SH3KBP1: variants seen among roughly 807,000 people sequenced by gnomAD.
SH3KBP1 encodes the protein SH3 domain-containing kinase-binding protein 1.
In SH3KBP1, 8 loss-of-function variants were observed where a neutral mutation model predicts 50.1. That is an observed-to-expected ratio of 0.16 (90% CI 0.09 to 0.29). The LOEUF is 0.29. Ranked by LOEUF, SH3KBP1 falls within the 10% of genes least tolerant of loss-of-function variation. The pLI, the probability that SH3KBP1 is intolerant of heterozygous loss-of-function variation, is 1.00. For missense variants in SH3KBP1, 377 were observed against 535.2 expected (o/e 0.70, Z 2.92); for synonymous variants, 227 against 218.6 (o/e 1.04, Z -0.34).
rs140573372 is a variant in SH3KBP1 at position 19,687,570 on chromosome X, C to T, written c.521-3542G>A. Reference sequence around the variant, plus strand: ...GCAGCTGCATCAAAAAACACAAGTACCCAGATCTTATCTTTACAATTGCCT... The same window carrying T: ...GCAGCTGCATCAAAAAACACAAGTATCCAGATCTTATCTTTACAATTGCCT... On this transcript the variant is annotated intron_variant, in intron 5 of 17. Coordinates refer to ENST00000397821, the MANE Select transcript of SH3KBP1 (RefSeq NM_031892.3). The T allele has an allele frequency of 7.3e-3, 7,678 of 1,048,827 alleles. 32 individuals are homozygous for T. The highest frequency in any genetic ancestry group is 0.018 in the Middle Eastern group (72 of 4,009). 86.4% of individuals were successfully genotyped at this position (1,048,827 alleles called of 1,213,427 possible). A position where few individuals can be genotyped will look rare whatever the true frequency, so the allele number is the denominator to read the frequency against.
intron 7 of SH3KBP1, among the ~76,000 whole-genome samples, chrX:19,643,795 G>A (rs1215836042): frequency 9.0e-6 from 1 of 111,489 alleles, no homozygotes; most frequent in African/African-American, 3.3e-5. Flanking sequence ...AGAACTGAAT[G>A]AGAGGATGAA....
At chrX:19,791,141 T>G (rs1037173954) in intron 2 of SH3KBP1, among the ~76,000 whole-genome samples, 4 of 111,642 alleles carry the variant, frequency 3.6e-5, no homozygotes, top group Admixed American at 9.5e-5. Context: ...ATAGATGAGA[T>G]TCTACCTTTG....
At chrX:19,577,450 T>C (rs2066234297) in intron 12 of SH3KBP1, among the ~76,000 whole-genome samples, 1 of 111,365 alleles carries the variant, frequency 9.0e-6, no homozygotes. Flanking sequence ...TCTCTCAGTT[T>C]AAAAGTACTA....
At chrX:19,851,658 T>G (rs2068512699) in intron 1 of SH3KBP1, among the ~76,000 whole-genome samples, 1 of 112,187 alleles carries the variant, frequency 8.9e-6, no homozygotes, top group African/African-American at 3.2e-5. Context: ...CACCTCAGCC[T>G]CCTGAGTAGC....
chrX:19,592,143 G>A lies in SH3KBP1; in HGVS notation c.1062C>T (p.Thr354=), dbSNP rs1455496945. 8.4e-6 allele frequency: 10 copies of A among 1,192,684 alleles called. No individual in the cohort carries two copies. Among genetic ancestry groups the A allele is most frequent in the Non-Finnish European group, 1.1e-5 (10 of 881,025 alleles). The change falls in exon 11 of 18, where the codon ACC becomes ACT. Residue 354 remains threonine (T), a synonymous_variant. Coordinates refer to ENST00000397821, the MANE Select transcript of SH3KBP1 (RefSeq NM_031892.3). ...SAPVIKQGAG[T]TERKHEIKKI... is the part of the protein sequence containing the mutation. Reference sequence around the variant, plus strand: ...TTTTAATTTCATGTTTTCTCTCAGTGGTGCCTAGGAGGGAAAGGGTAATAG... The same window carrying A: ...TTTTAATTTCATGTTTTCTCTCAGTAGTGCCTAGGAGGGAAAGGGTAATAG...
intron 7 of SH3KBP1, among the ~76,000 whole-genome samples, chrX:19,635,425 G>C (rs2061677669): frequency 9.2e-6 from 1 of 108,703 alleles, no homozygotes; most frequent in African/African-American, 3.4e-5. Context: ...GTTGGGGGGT[G>C]GGGGATGAGG....
intron 2 of SH3KBP1, among the ~76,000 whole-genome samples, chrX:19,798,233 T>C (rs1003959409): frequency 9.1e-6 from 1 of 109,892 alleles, no homozygotes; most frequent in African/African-American, 3.3e-5. Flanking sequence ...TACAGGCGTG[T>C]GTCACCATTC....
intron 2 of SH3KBP1, among the ~76,000 whole-genome samples, chrX:19,776,863 G>A (rs2065998855): frequency 9.1e-6 from 1 of 110,222 alleles, no homozygotes; most frequent in Non-Finnish European, 1.9e-5. Flanking sequence ...TGACAGCCTA[G>A]CTCTTTAAGC....
chrX:19,733,235 A>G (rs1240860145), intron 3 of SH3KBP1, among the ~76,000 whole-genome samples: 1 of 111,636 alleles, frequency 9.0e-6, no homozygotes, highest in East Asian at 2.8e-4. Context: ...TAACTTGATG[A>G]CATGATTTTA....
At chrX:19,656,491 T>C (rs932969722) in intron 6 of SH3KBP1, among the ~76,000 whole-genome samples, 8 of 112,139 alleles carry the variant, frequency 7.1e-5, no homozygotes, top group African/African-American at 2.3e-4. Flanking sequence ...TTTTGGTGAA[T>C]TGGTTTGACT....
At chrX:19,707,430 C>T (rs1410271359) in intron 3 of SH3KBP1, among the ~76,000 whole-genome samples, 1 of 111,818 alleles carries the variant, frequency 8.9e-6, no homozygotes, top group African/African-American at 3.3e-5. Flanking sequence ...GATAAAGTAT[C>T]CTGGCCTTTT....
At chrX:19,668,061 C>T (rs1369527795) in intron 6 of SH3KBP1, among the ~76,000 whole-genome samples, 2 of 111,195 alleles carry the variant, frequency 1.8e-5, no homozygotes, top group African/African-American at 6.5e-5. Context: ...ATCTCTACAA[C>T]GGACAGAGAC....
intron 1 of SH3KBP1, among the ~76,000 whole-genome samples, chrX:19,862,469 G>A (rs1244518148): frequency 9.0e-6 from 1 of 111,356 alleles, no homozygotes; most frequent in African/African-American, 3.3e-5. Context: ...TTTGTGTAAA[G>A]CATCAGTTAT....
At chrX:19,747,120 G>C (rs1367318782) in intron 2 of SH3KBP1, among the ~76,000 whole-genome samples, 2 of 112,086 alleles carry the variant, frequency 1.8e-5, no homozygotes, top group Non-Finnish European at 3.8e-5. Flanking sequence ...AGCTGCAACA[G>C]AGATCAAAGT....
At chrX:19,561,473 AT>A (rs2065676486) in intron 13 of SH3KBP1, among the ~76,000 whole-genome samples, 1 of 111,686 alleles carries the variant, frequency 9.0e-6, no homozygotes. Flanking sequence ...CTAATTGTAC[AT>A]TTCTGGACAC....
intron 7 of SH3KBP1, among the ~76,000 whole-genome samples, chrX:19,639,020 G>A (rs1283795583): frequency 9.0e-6 from 1 of 111,602 alleles, no homozygotes; most frequent in East Asian, 2.8e-4. Context: ...GCATCTAGTG[G>A]GCAGAGGCCA....
At chrX:19,814,747 T>A (rs964922573) in intron 2 of SH3KBP1, among the ~76,000 whole-genome samples, 3 of 111,100 alleles carry the variant, frequency 2.7e-5, no homozygotes, top group Non-Finnish European at 5.7e-5. Flanking sequence ...TTCTTTCTCC[T>A]CCTCAAACAT....
At chrX:19,786,034 T>A (rs764974559) in intron 2 of SH3KBP1, among the ~76,000 whole-genome samples, 2 of 112,165 alleles carry the variant, frequency 1.8e-5, no homozygotes, top group Non-Finnish European at 3.8e-5. Flanking sequence ...TAGTGCTATT[T>A]GAACCATACA....
At chrX:19,808,216 G>A (rs1364683268) in intron 2 of SH3KBP1, among the ~76,000 whole-genome samples, 2 of 110,827 alleles carry the variant, frequency 1.8e-5, no homozygotes, top group Non-Finnish European at 3.8e-5. Context: ...CAGCGGGCCT[G>A]TGTCTTGAAG....
Sources: gnomAD v4.1 joint callset for allele counts (sites outside exome capture counted in the v4.1 genomes callset) on GRCh38, gnomAD v4.1.1 for gene constraint, MANE v1.5 for transcripts, NCBI Gene and HGNC (gene_info 2026-07-23, HGNC 2026-07-21) for gene names.